SORCS2: variants seen among roughly 807,000 people sequenced by gnomAD.
SORCS2 encodes the protein VPS10 domain-containing receptor SorCS2.
SORCS2 carries 100 observed loss-of-function variants against 141.6 expected under a neutral mutation model. The ratio of observed to expected loss-of-function variants is 0.71; its 90% CI spans 0.60 to 0.83. SORCS2 has a LOEUF of 0.83. SORCS2 is among the 40% of genes least tolerant of loss of function. The pLI is 0.00. For synonymous variants in SORCS2, 789 were observed against 676.9 expected (o/e 1.17, Z -2.57); for missense variants, 1,646 against 1,560.2 (o/e 1.05, Z -0.93).
chr4:7,644,729 C>T (rs1720961432), intron 4 of SORCS2, among the ~76,000 whole-genome samples: 2 of 152,210 alleles, frequency 1.3e-5, no homozygotes, highest in Non-Finnish European at 2.9e-5. Context: ...CTGCTCCTTT[C>T]CCTCCCTCCT....
intron 3 of SORCS2, among the ~76,000 whole-genome samples, chr4:7,561,581 TA>T (rs1714569854): frequency 6.8e-6 from 1 of 146,614 alleles, no homozygotes; most frequent in Non-Finnish European, 1.5e-5. Context: ...CCAATCCATC[TA>T]TCCATTCATC....
chr4:7,601,781 A>G (rs965892600), intron 3 of SORCS2, among the ~76,000 whole-genome samples: 10 of 152,106 alleles, frequency 6.6e-5, no homozygotes, highest in Non-Finnish European at 1.3e-4. Context: ...ACATGTGAAC[A>G]AAGGTCTCTG....
intron 10 of SORCS2, among the ~76,000 whole-genome samples, chr4:7,685,374 C>T (rs1723809430): frequency 1.3e-5 from 2 of 152,142 alleles, no homozygotes; most frequent in Admixed American, 1.3e-4. Flanking sequence ...CAACAGACAT[C>T]AAATTACAGC....
chr4:7,714,408 C>A (rs371591623), intron 16 of SORCS2, 35 bp downstream of exon 16: 1 of 1,540,910 alleles, frequency 6.5e-7, no homozygotes, highest in South Asian at 1.2e-5. Context: ...AGGCCTCAGG[C>A]GCTGCTTGAG....
At chr4:7,259,699 C>T (rs978260850) in intron 1 of SORCS2, among the ~76,000 whole-genome samples, 7 of 152,256 alleles carry the variant, frequency 4.6e-5, no homozygotes, top group African/African-American at 1.7e-4. Flanking sequence ...ATAGGCCCCA[C>T]GCTGTCTTCC....
In SORCS2 at chr4:7,723,953, C is replaced by T. The variant is rs181225390; in HGVS notation, c.2611+70C>T. On this transcript the variant is annotated intron_variant, in intron 19 of 26. Transcript: ENST00000507866. ...AGAGAGAACCTGGCTTTGGGGGAAA[C>T]ACAGGGAAGCCCCCGGGATTGCTCT... The T allele has an allele frequency of 3.4e-6, 5 of 1,465,582 alleles. No individual in the cohort carries two copies. The East Asian group carries it at 1.2e-4, about 36-fold the overall frequency. 90.8% of individuals were successfully genotyped at this position (1,465,582 alleles called of 1,614,324 possible).
At position 7,282,126 on chromosome 4, in the gene SORCS2, C is replaced by T. The variant is rs75296757; in HGVS notation, c.480+89000C>T. Among the ~76,000 whole-genome samples the T allele has an allele frequency of 6.6e-3, 999 of 152,330 alleles. 49 individuals carry two copies. Among genetic ancestry groups the T allele is most frequent in the Admixed American group, 0.058 (892 of 15,300 alleles). On this transcript the variant is annotated intron_variant, in intron 1 of 26. Coordinates refer to ENST00000507866, the MANE Select transcript of SORCS2 (RefSeq NM_020777.3). ...TGGTTTTTCCCACGGAACTCAGCCC[C>T]GGGCCACCTTCATGGCTTGGTTCCT...
At chr4:7,589,479 T>G (rs549860522) in intron 3 of SORCS2, among the ~76,000 whole-genome samples, 3 of 152,290 alleles carry the variant, frequency 2.0e-5, no homozygotes, top group Non-Finnish European at 4.4e-5. Flanking sequence ...CTCGGCTCAT[T>G]GCAACCTCTA....
chr4:7,510,996 G>T (rs1056476454), intron 2 of SORCS2, among the ~76,000 whole-genome samples: 2 of 152,214 alleles, frequency 1.3e-5, no homozygotes, highest in Non-Finnish European at 2.9e-5. Flanking sequence ...CTTTCCCTGT[G>T]GTGGGGAAGA....
chr4:7,441,291 G>A (rs1727648003), intron 2 of SORCS2, among the ~76,000 whole-genome samples: 1 of 152,176 alleles, frequency 6.6e-6, no homozygotes, highest in Non-Finnish European at 1.5e-5. Flanking sequence ...CCCAGGTGAG[G>A]GGCAGCCTGA....
intron 1 of SORCS2, among the ~76,000 whole-genome samples, chr4:7,393,638 G>A (rs896751838): frequency 1.3e-5 from 2 of 152,112 alleles, no homozygotes; most frequent in African/African-American, 4.8e-5. Flanking sequence ...GTGGCTCCTG[G>A]GGGCATGGGG....
intron 1 of SORCS2, among the ~76,000 whole-genome samples, chr4:7,218,907 A>G (rs1293445957): frequency 1.3e-5 from 2 of 152,192 alleles, no homozygotes; most frequent in Non-Finnish European, 2.9e-5. Flanking sequence ...CACAGATCTT[A>G]CTGCACTGCC....
chr4:7,404,449 A>G (rs1724836967), intron 2 of SORCS2, among the ~76,000 whole-genome samples: 1 of 152,130 alleles, frequency 6.6e-6, no homozygotes, highest in South Asian at 2.1e-4. Flanking sequence ...TAGAGTCTGT[A>G]CTAACTTATA....
At chr4:7,644,693 C>T (rs968189543) in intron 4 of SORCS2, among the ~76,000 whole-genome samples, 13 of 152,230 alleles carry the variant, frequency 8.5e-5, no homozygotes, top group African/African-American at 3.1e-4. Flanking sequence ...GCACACTCTT[C>T]TATGTGCCCT....
Position 7,205,316 on chromosome 4 carries a change from C to T in SORCS2, c.480+12190C>T, listed in dbSNP as rs567809318. Reference sequence around the variant, plus strand: ...TCTGTGCCCTAGACTCCTGCCCATCCCAATCCTGGAGAAGCTGATGAAACT... The same window carrying T: ...TCTGTGCCCTAGACTCCTGCCCATCTCAATCCTGGAGAAGCTGATGAAACT... On this transcript the variant is annotated intron_variant, in intron 1 of 26. Coordinates refer to ENST00000507866, the MANE Select transcript of SORCS2 (RefSeq NM_020777.3). Among the ~76,000 whole-genome samples the T allele has an allele frequency of 1.2e-4, 18 of 152,288 alleles. No individual in the cohort carries two copies. In the East Asian group the frequency reaches 3.5e-3, roughly 29 times the overall value.
At chr4:7,454,329 G>A (rs1728713281) in intron 2 of SORCS2, among the ~76,000 whole-genome samples, 2 of 118,388 alleles carry the variant, frequency 1.7e-5, no homozygotes, top group Admixed American at 8.3e-5. Context: ...TTGGGGTCAG[G>A]TGCTGTGTTG....
At chr4:7,549,608 T>A (rs1418036936) in intron 3 of SORCS2, among the ~76,000 whole-genome samples, 1 of 152,216 alleles carries the variant, frequency 6.6e-6, no homozygotes, top group Non-Finnish European at 1.5e-5. Flanking sequence ...CATGGATGCT[T>A]TCTGCACAGA....
intron 2 of SORCS2, among the ~76,000 whole-genome samples, chr4:7,450,860 G>C (rs1357823411): frequency 6.6e-6 from 1 of 152,134 alleles, no homozygotes; most frequent in Non-Finnish European, 1.5e-5. Flanking sequence ...GGATGGGAGA[G>C]TGAGTGAACG....
intron 9 of SORCS2, among the ~76,000 whole-genome samples, chr4:7,677,677 C>A (rs1165981526): frequency 1.3e-5 from 2 of 152,244 alleles, no homozygotes; most frequent in African/African-American, 2.4e-5. Context: ...CAGCATTCAT[C>A]CCTCCCTTGA....
Sources: gnomAD v4.1 joint callset for allele counts (sites outside exome capture counted in the v4.1 genomes callset) on GRCh38, gnomAD v4.1.1 for gene constraint, MANE v1.5 for transcripts, NCBI Gene and HGNC (gene_info 2026-07-23, HGNC 2026-07-21) for gene names.